Variants in STK3 observed in about 807,000 individuals in gnomAD.
The protein encoded by STK3 is serine/threonine-protein kinase 3.
STK3 carries 41 observed loss-of-function variants against 58.0 expected under a neutral mutation model. That is an observed-to-expected ratio of 0.71 (90% CI 0.55 to 0.92). The LOEUF (loss-of-function observed/expected upper bound fraction) is 0.92, where lower values mean the gene tolerates loss of function less well. STK3 is among the 40% of genes least tolerant of loss of function. The pLI is 0.00. For synonymous variants in STK3, 170 were observed against 191.0 expected, an observed-to-expected ratio of 0.89 and a Z score of 0.91; for missense variants, 479 against 602.7, an observed-to-expected ratio of 0.79 and a Z score of 2.15.
intron 3 of STK3, chr8:98,432,158 T>C (rs1818343897): frequency 6.0e-6 from 1 of 167,008 alleles, no homozygotes; most frequent in Non-Finnish European, 1.5e-5. Flanking sequence ...TTTTAGTCCC[T>C]GAAGCTAACC....
At chr8:98,664,297 G>A (rs1222005346) in intron 6 of STK3, among the ~76,000 whole-genome samples, 2 of 152,066 alleles carry the variant, frequency 1.3e-5, no homozygotes, top group Admixed American at 6.6e-5. Flanking sequence ...GCACTTAATC[G>A]CAATCCTGGA....
intron 3 of STK3, among the ~76,000 whole-genome samples, chr8:98,866,568 C>A (rs1315343941): frequency 1.3e-5 from 2 of 152,184 alleles, no homozygotes; most frequent in Non-Finnish European, 2.9e-5. Context: ...AGTAGGAACG[C>A]TGGAAAGAGT....
chr8:98,537,804 C>T (rs1285852014), intron 9 of STK3, among the ~76,000 whole-genome samples: 1 of 152,156 alleles, frequency 6.6e-6, no homozygotes, highest in Non-Finnish European at 1.5e-5. Flanking sequence ...AACTATCATT[C>T]ATTCTCTTTG....
intron 9 of STK3, among the ~76,000 whole-genome samples, chr8:98,529,405 G>C (rs933735149): frequency 3.3e-5 from 5 of 152,088 alleles, no homozygotes; most frequent in Non-Finnish European, 5.9e-5. Context: ...AGGCGGCTTA[G>C]GTGAGGTTAT....
intron 3 of STK3, among the ~76,000 whole-genome samples, chr8:98,415,871 G>A (rs1818109083): frequency 6.6e-6 from 1 of 152,190 alleles, no homozygotes; most frequent in Non-Finnish European, 1.5e-5. Context: ...GTTCATCAGG[G>A]TAAGAGAGAC....
intron 4 of STK3, among the ~76,000 whole-genome samples, chr8:98,732,203 C>T (rs1260563223): frequency 6.6e-6 from 1 of 152,000 alleles, no homozygotes; most frequent in East Asian, 1.9e-4. Flanking sequence ...GGAGATTCAA[C>T]CTTTCAATAA....
intron 9 of STK3, among the ~76,000 whole-genome samples, chr8:98,545,106 T>A (rs904016248): frequency 6.6e-6 from 1 of 152,186 alleles, no homozygotes; most frequent in African/African-American, 2.4e-5. Flanking sequence ...TGACATAGAT[T>A]CTTGACCTGG....
At chr8:98,772,172 C>T (rs1563983929) in intron 2 of STK3, among the ~76,000 whole-genome samples, 1 of 152,080 alleles carries the variant, frequency 6.6e-6, no homozygotes, top group Admixed American at 6.6e-5. Context: ...GATTATGTTT[C>T]CTAATTTCTA....
intron 4 of STK3, among the ~76,000 whole-genome samples, chr8:98,736,384 T>C (rs545079896): frequency 2.6e-5 from 4 of 152,264 alleles, no homozygotes; most frequent in African/African-American, 4.8e-5. Context: ...AGCCAGTTCT[T>C]ATTCTAGGAG....
At chr8:98,580,833 AAATTGTGCTGAAGAAGAAATAG>A (rs1246627108) in intron 7 of STK3, among the ~76,000 whole-genome samples, 3 of 152,248 alleles carry the variant, frequency 2.0e-5, no homozygotes, top group Non-Finnish European at 4.4e-5. Context: ...AAGACAAAAA[AAATTGTGCTGAAGAAGAAATAG>A]ATACTTGAAA....
chr8:98,756,136 C>G (rs748901301), intron 3 of STK3, among the ~76,000 whole-genome samples: 2 of 148,002 alleles, frequency 1.4e-5, no homozygotes, highest in African/African-American at 2.5e-5. Context: ...AGTGAGGCTC[C>G]GCCTCAAAAA....
chr8:98,492,238 C>A (rs903991140), intron 10 of STK3, among the ~76,000 whole-genome samples: 2 of 152,074 alleles, frequency 1.3e-5, no homozygotes, highest in African/African-American at 4.8e-5. Context: ...TTGCAGAGAA[C>A]AATGAGAGAG....
At chr8:98,731,047 G>A (rs913123009) in intron 4 of STK3, among the ~76,000 whole-genome samples, 2 of 152,140 alleles carry the variant, frequency 1.3e-5, no homozygotes, top group Admixed American at 6.5e-5. Flanking sequence ...CATATTCAAC[G>A]ACAGGAGATT....
intron 9 of STK3, among the ~76,000 whole-genome samples, chr8:98,541,687 A>AC (rs1298701857): frequency 1.3e-5 from 2 of 152,212 alleles, no homozygotes; most frequent in African/African-American, 4.8e-5. Context: ...TAACAGGACC[A>AC]CCAGCTAGGT....
At chr8:98,629,669 T>C (rs959095910) in intron 6 of STK3, among the ~76,000 whole-genome samples, 4 of 152,172 alleles carry the variant, frequency 2.6e-5, no homozygotes, top group Non-Finnish European at 5.9e-5. Context: ...TAAACTAGGA[T>C]GGTAGTATTA....
At chr8:98,737,839 C>T (rs919472249) in intron 4 of STK3, among the ~76,000 whole-genome samples, 2 of 152,116 alleles carry the variant, frequency 1.3e-5, no homozygotes, top group African/African-American at 4.8e-5. Context: ...TCCAGAGTAG[C>T]TGGGATTATA....
intron 3 of STK3, among the ~76,000 whole-genome samples, chr8:98,849,710 A>G (rs1052214167): frequency 3.3e-5 from 5 of 152,276 alleles, no homozygotes; most frequent in Admixed American, 3.3e-4. Flanking sequence ...AGAAGCTCAT[A>G]ATTTCAGATA....
chr8:98,522,638 C>T (rs1825451737), intron 10 of STK3, among the ~76,000 whole-genome samples: 1 of 152,168 alleles, frequency 6.6e-6, no homozygotes, highest in Non-Finnish European at 1.5e-5. Flanking sequence ...ACAAGCATCA[C>T]TACCATCCAC....
intron 3 of STK3, among the ~76,000 whole-genome samples, chr8:98,407,713 CATGTGT>C (rs773194878): frequency 3.6e-5 from 4 of 110,576 alleles, no homozygotes; most frequent in Non-Finnish European, 5.5e-5. Context: ...CAGATGAGTG[CATGTGT>C]GTGTGTGTGT....
Sources: gnomAD v4.1 joint callset for allele counts (sites outside exome capture counted in the v4.1 genomes callset) on GRCh38, gnomAD v4.1.1 for gene constraint, MANE v1.5 for transcripts, NCBI Gene and HGNC (gene_info 2026-07-23, HGNC 2026-07-21) for gene names.